ASMT: variants seen among roughly 807,000 people sequenced by gnomAD.
The protein encoded by ASMT is acetylserotonin O-methyltransferase.
ASMT carries 53 observed loss-of-function variants against 41.3 expected under a neutral mutation model. The ratio of observed to expected loss-of-function variants is 1.28; its 90% CI spans 1.03 to 1.61. The LOEUF (loss-of-function observed/expected upper bound fraction) is 1.61. ASMT is among the 40% of genes most tolerant of loss of function. The pLI is 0.00. For synonymous variants in ASMT, 231 were observed against 184.8 expected (o/e 1.25, Z -2.03); for missense variants, 531 against 441.3 (o/e 1.20, Z -1.82).
At chrX:1,630,344 C>T (rs1197137005) in intron 5 of ASMT, among the ~76,000 whole-genome samples, 4 of 124,982 alleles carry the variant, frequency 3.2e-5, no homozygotes, top group South Asian at 2.6e-4. Flanking sequence ...GTCGCTCTGT[C>T]GCCCAGGCTG....
rs1372284695 is a variant in ASMT, at chrX:1,615,130, C to G, written c.-70C>G. 5.5e-6 allele frequency: 8 copies of G among 1,446,680 alleles called. No homozygotes were observed. In the Admixed American group the frequency reaches 1.6e-4, roughly 28 times the overall value. 89.6% of individuals were successfully genotyped at this position (1,446,680 alleles called of 1,614,324 possible). ...AGCGGGTGGCTCTTCCCCACCTTGC[C>G]AGCAGGCTCTGTGCTCCTTGAAGCA... On this transcript the variant is annotated 5_prime_UTR_variant, in exon 1 of 9. Transcript: ENST00000381241.
At chrX:1,630,300 A>AT (rs36011956) in intron 5 of ASMT, among the ~76,000 whole-genome samples, 14,543 of 70,912 alleles carry the variant, frequency 0.21, 3,304 homozygotes, top group Non-Finnish European at 0.24. Flanking sequence ...CACCAGGCTA[A>AT]TTTTTTTTTT....
At chrX:1,630,194 C>T (rs184150794) in intron 5 of ASMT, among the ~76,000 whole-genome samples, 44 of 151,960 alleles carry the variant, frequency 2.9e-4, no homozygotes, top group African/African-American at 9.9e-4. Flanking sequence ...AGTGCAGTGG[C>T]ATGATCTCGG....
intron 5 of ASMT, among the ~76,000 whole-genome samples, chrX:1,631,685 C>T (rs184546462): frequency 4.3e-4 from 65 of 151,982 alleles, no homozygotes; most frequent in East Asian, 3.5e-3. Context: ...GAGGCCGAGG[C>T]GGGTGGATCT....
chrX:1,634,660 C>A (rs1300718061), intron 7 of ASMT, among the ~76,000 whole-genome samples: 1 of 150,476 alleles, frequency 6.6e-6, no homozygotes, highest in African/African-American at 2.4e-5. Flanking sequence ...TTAACCCCCC[C>A]CCTTTTTTTT....
At chrX:1,616,764 A>G (rs1200157097) in intron 1 of ASMT, among the ~76,000 whole-genome samples, 5 of 149,294 alleles carry the variant, frequency 3.3e-5, no homozygotes, top group South Asian at 2.1e-4. Context: ...GCTGGAGTGC[A>G]ATGGCACGAT....
At chrX:1,620,629 C>A (rs1392783355) in intron 1 of ASMT, among the ~76,000 whole-genome samples, 3 of 152,006 alleles carry the variant, frequency 2.0e-5, no homozygotes, top group Non-Finnish European at 4.4e-5. Flanking sequence ...CTTACTACAA[C>A]CTTCATAAGA....
chrX:1,620,093 A>AAAAT lies in ASMT; in HGVS notation c.70-3022_70-3019dup, dbSNP rs767892895. On this transcript the variant is annotated intron_variant, in intron 1 of 8. Transcript: ENST00000381241. ...GGGTGACAGAGCCAGACTCCGTCTCAAAATAAATAAATAAATAAATAAATA... is the reference window on the plus strand; with the variant it reads ...GGGTGACAGAGCCAGACTCCGTCTCAAAATAAATAAATAAATAAATAAATAAATA... 1.7e-3 allele frequency among the ~76,000 whole-genome samples: 263 copies of AAAAT among 151,142 alleles called. 1 individual carries two copies. Among genetic ancestry groups the AAAAT allele is most frequent in the South Asian group, 7.4e-3 (35 of 4,756 alleles).
chrX:1,641,461 C>T (rs1236967090), intron 8 of ASMT, among the ~76,000 whole-genome samples: 1 of 149,640 alleles, frequency 6.7e-6, no homozygotes, highest in Non-Finnish European at 1.5e-5. Context: ...GACAGTGTCC[C>T]AGCTCTCCTG....
chrX:1,616,172 GCACC>G (rs386823273), intron 1 of ASMT, among the ~76,000 whole-genome samples: 4 of 145,760 alleles, frequency 2.7e-5, no homozygotes, highest in Non-Finnish European at 6.0e-5. Context: ...GGGATTACAG[GCACC>G]CACCACCACG....
At chrX:1,624,101 C>A in intron 2 of ASMT, 168 bp from the exon 3 acceptor site, 1 of 406,074 alleles carries the variant, frequency 2.5e-6, no homozygotes, top group Non-Finnish European at 3.3e-6. Context: ...ACCTTTGCGC[C>A]TTCCACAGAA....
chrX:1,621,775 A>C, intron 1 of ASMT, among the ~76,000 whole-genome samples: 1 of 151,960 alleles, frequency 6.6e-6, no homozygotes, highest in African/African-American at 2.4e-5. Flanking sequence ...GGCTCACCAC[A>C]ACCTCTGCCT....
intron 7 of ASMT, 154 bp from the exon 8 acceptor site, chrX:1,636,284 C>A: frequency 1.8e-6 from 2 of 1,120,908 alleles, no homozygotes; most frequent in Non-Finnish European, 2.7e-6. Context: ...TTCTCCTAAG[C>A]CTTTTTGTTT....
intron 5 of ASMT, among the ~76,000 whole-genome samples, chrX:1,632,006 G>A (rs765650075): frequency 7.9e-5 from 12 of 152,202 alleles, no homozygotes; most frequent in Admixed American, 2.6e-4. Flanking sequence ...CTGAGATCGC[G>A]CCACTGCACT....
At chrX:1,628,962 C>G (rs1271295024) in intron 4 of ASMT, among the ~76,000 whole-genome samples, 1 of 144,946 alleles carries the variant, frequency 6.9e-6, no homozygotes, top group African/African-American at 2.6e-5. Context: ...TTCCTTCTTT[C>G]TTTCCTTCTT....
At chrX:1,622,920 T>TAA (rs1226437422) in intron 1 of ASMT, among the ~76,000 whole-genome samples, 1 of 151,344 alleles carries the variant, frequency 6.6e-6, no homozygotes, top group Admixed American at 6.6e-5. Context: ...TCAAAATAAA[T>TAA]AAATTAATTA....
Position 1,616,839 on chromosome X carries a change from G to C in ASMT, c.69+1571G>C, listed in dbSNP as rs1458229646. 2.7e-5 allele frequency among the ~76,000 whole-genome samples: 4 copies of C among 145,646 alleles called. 1 individual carries two copies. The highest frequency in any genetic ancestry group is 4.9e-5 in the African/African-American group (2 of 40,902). On this transcript the variant is annotated intron_variant, in intron 1 of 8. Transcript: ENST00000381241. ...TTCTCCTGCCTCAGCCTCCCGAGTA[G>C]CTGGGATTACAGGCACCCGCCACCA...
chrX:1,632,125 T>C (rs1169578815), intron 5 of ASMT, among the ~76,000 whole-genome samples: 7 of 152,100 alleles, frequency 4.6e-5, no homozygotes, highest in Admixed American at 6.6e-5. Context: ...TGGCCCATGA[T>C]GGATTTTGTG....
chrX:1,618,224 C>T (rs1934209344), intron 1 of ASMT, among the ~76,000 whole-genome samples: 1 of 152,078 alleles, frequency 6.6e-6, no homozygotes, highest in Non-Finnish European at 1.5e-5. Context: ...AGTGCAGTGG[C>T]ATGATCTCAG....
Sources: gnomAD v4.1 joint callset for allele counts (sites outside exome capture counted in the v4.1 genomes callset) on GRCh38, gnomAD v4.1.1 for gene constraint, MANE v1.5 for transcripts, NCBI Gene and HGNC (gene_info 2026-07-23, HGNC 2026-07-21) for gene names.